GNL2: variants seen among roughly 807,000 people sequenced by gnomAD.
The protein encoded by GNL2 is nucleolar GTP-binding protein 2.
GNL2 carries 51 observed loss-of-function variants against 92.3 expected under a neutral mutation model. The ratio of observed to expected loss-of-function variants is 0.55; its 90% CI spans 0.44 to 0.70. GNL2 has a LOEUF of 0.70. Among genes scored for constraint, GNL2 ranks in the 30% least tolerant of loss-of-function variants. GNL2 has a pLI of 0.00. For missense variants in GNL2, 844 were observed against 895.6 expected, an observed-to-expected ratio of 0.94 and a Z score of 0.74; for synonymous variants, 283 against 300.6, an observed-to-expected ratio of 0.94 and a Z score of 0.61.
intron 12 of GNL2, among the ~76,000 whole-genome samples, chr1:37,572,368 T>C (rs1205372159): frequency 6.6e-6 from 1 of 152,160 alleles, no homozygotes; most frequent in African/African-American, 2.4e-5. Flanking sequence ...TGACTCATGG[T>C]AGACCCCTAG....
At chr1:37,573,491 C>T (rs1012740987) in intron 12 of GNL2, among the ~76,000 whole-genome samples, 8 of 152,352 alleles carry the variant, frequency 5.3e-5, no homozygotes, top group Non-Finnish European at 8.8e-5. Flanking sequence ...CTGGCCCCAG[C>T]CTTCAGTCTT....
At chr1:37,588,206 AG>A (rs1643868212) in intron 4 of GNL2, among the ~76,000 whole-genome samples, 1 of 152,154 alleles carries the variant, frequency 6.6e-6, no homozygotes, top group Non-Finnish European at 1.5e-5. Context: ...TTACAGGCAT[AG>A]GAATTTCTGA....
intron 8 of GNL2, among the ~76,000 whole-genome samples, chr1:37,580,217 TG>T (rs1198212136): frequency 6.6e-6 from 1 of 152,116 alleles, no homozygotes; most frequent in African/African-American, 2.4e-5. Flanking sequence ...GAGGATCGCT[TG>T]GGCCTAGGAG....
intron 1 of GNL2, 138 bp from the exon 2 acceptor site, chr1:37,593,984 T>A (rs1188482306): frequency 1.7e-6 from 1 of 596,434 alleles, no homozygotes; most frequent in Non-Finnish European, 3.0e-6. Flanking sequence ...ACTTTCTCCA[T>A]ATGTTGCTCC....
At chr1:37,576,638 A>C in intron 8 of GNL2, 82 bp from the exon 9 acceptor site, 1 of 1,396,252 alleles carries the variant, frequency 7.2e-7, no homozygotes, top group Non-Finnish European at 9.9e-7. Flanking sequence ...CTTTGTTAAT[A>C]TCAAGAATAC....
At position 37,595,894 on chromosome 1, in the gene GNL2, C is replaced by T. The variant is rs1643920942; in HGVS notation, c.-72G>A. The stretch of plus-strand genomic sequence containing the variant: ...TGAAACAAACTTTTATGTTCCCAAG[C>T]CCGGCCGAAGACACCCGCCTGAACC... On this transcript the variant is annotated 5_prime_UTR_variant, in exon 1 of 16. Transcript: ENST00000373062. 8.0e-6 allele frequency: 11 copies of T among 1,377,322 alleles called. No individual in the cohort carries two copies. Among genetic ancestry groups the T allele is most frequent in the Non-Finnish European group, 1.0e-5 (10 of 967,872 alleles). 85.3% of individuals were successfully genotyped at this position (1,377,322 alleles called of 1,614,324 possible). A position where few individuals can be genotyped will look rare whatever the true frequency, so the allele number is the denominator to read the frequency against.
intron 12 of GNL2, among the ~76,000 whole-genome samples, chr1:37,571,414 G>C (rs1396316565): frequency 2.6e-5 from 4 of 152,134 alleles, no homozygotes; most frequent in Non-Finnish European, 4.4e-5. Context: ...TAAGGTTTTT[G>C]TTTAAGGATT....
intron 12 of GNL2, among the ~76,000 whole-genome samples, chr1:37,571,277 G>C (rs969245299): frequency 6.6e-6 from 1 of 152,166 alleles, no homozygotes; most frequent in African/African-American, 2.4e-5. Context: ...CTGAACACTA[G>C]GTACTGACCA....
At chr1:37,567,552 A>C (rs976061021) in intron 15 of GNL2, 121 bp downstream of exon 15, 1 of 739,890 alleles carries the variant, frequency 1.4e-6, no homozygotes, top group Non-Finnish European at 2.4e-6. Context: ...TCTGACCTCA[A>C]CTAGGTCAAC....
chr1:37,576,622 G>T (rs886660744), intron 8 of GNL2, 66 bp from the exon 9 acceptor site: 4 of 1,499,168 alleles, frequency 2.7e-6, no homozygotes, highest in Non-Finnish European at 3.6e-6. Context: ...CAAGTAGGTT[G>T]TATTACTTTG....
At chr1:37,584,153 AAAG>A (rs1364428343) in intron 5 of GNL2, among the ~76,000 whole-genome samples, 1 of 152,226 alleles carries the variant, frequency 6.6e-6, no homozygotes, top group Non-Finnish European at 1.5e-5. Flanking sequence ...CAACTTTAAA[AAAG>A]AAGGAAATTC....
intron 8 of GNL2, chr1:37,581,667 A>ATCT (rs113054028): frequency 0.054 from 19,873 of 366,662 alleles, 683 homozygotes; most frequent in Non-Finnish European, 0.076. Context: ...AAGTTTTTAC[A>ATCT]TCTTCTTCTT....
intron 12 of GNL2, chr1:37,569,510 T>C: frequency 1.9e-6 from 1 of 539,084 alleles, no homozygotes; most frequent in Admixed American, 3.4e-5. Context: ...GGAATACATG[T>C]GTAGTTCCAC....
chr1:37,593,587 T>C (rs1643901164), intron 2 of GNL2, 175 bp downstream of exon 2: 2 of 541,116 alleles, frequency 3.7e-6, no homozygotes, highest in Admixed American at 7.0e-5. Flanking sequence ...GCTACCCATG[T>C]CCTTAACCAA....
In GNL2 at chr1:37,595,897, G is replaced by A; in HGVS notation, c.-75C>T. On this transcript the variant is annotated 5_prime_UTR_variant, in exon 1 of 16. Coordinates refer to ENST00000373062, the MANE Select transcript of GNL2 (RefSeq NM_013285.3). Reference sequence around the variant, plus strand: ...AACAAACTTTTATGTTCCCAAGCCCGGCCGAAGACACCCGCCTGAACCACG... The same window carrying A: ...AACAAACTTTTATGTTCCCAAGCCCAGCCGAAGACACCCGCCTGAACCACG... 4 of 1,293,992 alleles carry A rather than the reference G, an allele frequency of 3.1e-6. No individual in the cohort carries two copies. Among genetic ancestry groups the A allele is most frequent in the South Asian group, 1.2e-5 (1 of 83,518 alleles). The allele number at this position is 1,293,992 out of a possible 1,614,324, so 80.2% of individuals were successfully genotyped here.
At chr1:37,582,182 C>G (rs1403378582) in intron 8 of GNL2, 41 bp downstream of exon 8, 1 of 1,327,194 alleles carries the variant, frequency 7.5e-7, no homozygotes, top group East Asian at 2.3e-5. Flanking sequence ...TACCAACTCA[C>G]AGCTACACAA....
intron 3 of GNL2, among the ~76,000 whole-genome samples, chr1:37,591,259 C>T (rs1249419763): frequency 6.6e-6 from 1 of 152,100 alleles, no homozygotes; most frequent in East Asian, 1.9e-4. Context: ...CATAGTTAGC[C>T]ACTTTTAGGG....
intron 8 of GNL2, 35 bp downstream of exon 8, chr1:37,582,188 C>T (rs1309801456): frequency 2.2e-6 from 3 of 1,382,544 alleles, no homozygotes; most frequent in Admixed American, 1.9e-5. Flanking sequence ...CTCACAGCTA[C>T]ACAACTCCAG....
At chr1:37,590,129 G>A (rs1643879511) in intron 4 of GNL2, among the ~76,000 whole-genome samples, 1 of 152,008 alleles carries the variant, frequency 6.6e-6, no homozygotes, top group Non-Finnish European at 1.5e-5. Context: ...TTTTTTAGAC[G>A]GAGTTTCGCT....
Sources: allele counts gnomAD v4.1 joint callset (sites outside exome capture counted in the v4.1 genomes callset), GRCh38; gene constraint gnomAD v4.1.1; transcripts MANE v1.5; gene names NCBI Gene and HGNC (gene_info 2026-07-23, HGNC 2026-07-21).